The following MCC variants were observed in gnomAD, a reference collection of about 807,000 sequenced individuals.
MCC encodes MCC regulator of Wnt signaling pathway, also known as colorectal mutant cancer protein.
A neutral mutation model predicts 116.2 loss-of-function variants in MCC; 90 were observed. The observed-to-expected ratio is 0.77, with a 90% CI of 0.65 to 0.92. The LOEUF is 0.92. Among genes scored for constraint, MCC ranks in the 40% least tolerant of loss-of-function variants. The probability of loss-of-function intolerance (pLI) is 0.00; values close to 1 mark genes in which losing one functional copy is unlikely to be tolerated. For missense variants in MCC, 1,516 were observed against 1,312.2 expected (o/e 1.16, Z -2.40); for synonymous variants, 578 against 510.5 (o/e 1.13, Z -1.78).
rs775009151 is a variant in MCC, at chr5:113,456,964, G to T, written c.170+31281C>A. Among the ~76,000 whole-genome samples, 40 of 152,172 alleles carry T rather than the reference G, an allele frequency of 2.6e-4. 1 individual carries two copies. Among genetic ancestry groups the T allele is most frequent in the Non-Finnish European group, 4.9e-4 (33 of 68,024 alleles). On this transcript the variant is annotated intron_variant, in intron 1 of 18. Coordinates refer to ENST00000408903, the MANE Select transcript of MCC (RefSeq NM_001085377.2). ...AGCAGGGAGGGGATGAAATCATAATGAGAGGTGACAGCGTGCTGGCAGTCC... is the reference window on the plus strand; with the variant it reads ...AGCAGGGAGGGGATGAAATCATAATTAGAGGTGACAGCGTGCTGGCAGTCC...
chr5:113,033,894 G>A (rs1399763068), intron 17 of MCC, among the ~76,000 whole-genome samples: 1 of 152,034 alleles, frequency 6.6e-6, no homozygotes, highest in Non-Finnish European at 1.5e-5. Context: ...AGCCAGGGTG[G>A]GACTTTTAAG....
intron 1 of MCC, among the ~76,000 whole-genome samples, chr5:113,453,142 G>A (rs1001742212): frequency 3.3e-5 from 5 of 152,020 alleles, no homozygotes; most frequent in African/African-American, 4.8e-5. Flanking sequence ...GTTTTCCAGC[G>A]TGAACGCATG....
At chr5:113,226,618 T>C (rs1430027202) in intron 3 of MCC, among the ~76,000 whole-genome samples, 1 of 152,254 alleles carries the variant, frequency 6.6e-6, no homozygotes, top group African/African-American at 2.4e-5. Flanking sequence ...GAAGAAAACA[T>C]GTTACAATTT....
intron 3 of MCC, among the ~76,000 whole-genome samples, chr5:113,162,483 A>C (rs1561416406): frequency 6.6e-6 from 1 of 151,962 alleles, no homozygotes; most frequent in Non-Finnish European, 1.5e-5. Context: ...GTTAGCCACA[A>C]GGGTCGTTGC....
Position 113,340,732 on chromosome 5 carries a change from T to G in MCC, c.416-2A>C, listed in dbSNP as rs767849135. 4.3e-6 allele frequency: 7 copies of G among 1,612,338 alleles called. No individual in the cohort carries two copies. The African/African-American group carries it at 9.3e-5, about 22-fold the overall frequency. ...TCTCCCTGGCTGCTGATAAGGCACC[T>G]AAGTCCGAGAGAAGCAGAGAAAATG... is the stretch of plus-strand genomic sequence containing the variant. On this transcript the variant is annotated splice_acceptor_variant, in intron 2 of 18. Coordinates refer to ENST00000408903, the MANE Select transcript of MCC (RefSeq NM_001085377.2). LOFTEE classifies it high-confidence loss of function.
chr5:113,268,234 TA>T (rs947678187), intron 3 of MCC, among the ~76,000 whole-genome samples: 7 of 152,336 alleles, frequency 4.6e-5, no homozygotes, highest in African/African-American at 1.7e-4. Context: ...ACTTCCCTGC[TA>T]AAACATTAGT....
intron 11 of MCC, among the ~76,000 whole-genome samples, chr5:113,073,623 T>C (rs1754198243): frequency 6.6e-6 from 1 of 151,720 alleles, no homozygotes; most frequent in Non-Finnish European, 1.5e-5. Context: ...GGTTGTTAAG[T>C]GGCCATAAGA....
At chr5:113,470,987 C>T (rs1772072679) in intron 1 of MCC, among the ~76,000 whole-genome samples, 3 of 152,344 alleles carry the variant, frequency 2.0e-5, no homozygotes, top group African/African-American at 7.2e-5. Context: ...ACTAAGGCTT[C>T]TGCCTTCGTC....
At chr5:113,409,832 G>A (rs997841004) in intron 1 of MCC, among the ~76,000 whole-genome samples, 2 of 152,090 alleles carry the variant, frequency 1.3e-5, no homozygotes, top group South Asian at 4.2e-4. Context: ...TCCTAGACTC[G>A]AGACTACGGT....
intron 5 of MCC, among the ~76,000 whole-genome samples, chr5:113,136,274 A>T (rs1299716499): frequency 3.3e-5 from 5 of 152,208 alleles, no homozygotes; most frequent in African/African-American, 1.2e-4. Context: ...TTAATGAAGT[A>T]ATCAACAATC....
At chr5:113,250,508 T>A (rs977859659) in intron 3 of MCC, among the ~76,000 whole-genome samples, 2 of 152,098 alleles carry the variant, frequency 1.3e-5, no homozygotes, top group African/African-American at 2.4e-5. Context: ...CCTCCCAACA[T>A]CTGTTCCTTC....
chr5:113,457,629 G>A (rs182978057), intron 1 of MCC, among the ~76,000 whole-genome samples: 2 of 152,204 alleles, frequency 1.3e-5, no homozygotes, highest in African/African-American at 4.8e-5. Context: ...GGGCCTTGGA[G>A]AACCTTTATG....
chr5:113,156,089 A>G (rs1760154273), intron 3 of MCC, among the ~76,000 whole-genome samples: 2 of 152,204 alleles, frequency 1.3e-5, no homozygotes, highest in Admixed American at 1.3e-4. Context: ...GGGAGCAGAA[A>G]GGTGCCTCAG....
At position 113,025,718 on chromosome 5, in the gene MCC, T is replaced by C. The variant is rs1030556565; in HGVS notation, c.*1584A>G. On this transcript the variant is annotated 3_prime_UTR_variant, in exon 19 of 19. Coordinates refer to ENST00000408903, the MANE Select transcript of MCC (RefSeq NM_001085377.2). ...TTCTAGACTGATACCAGTTGATCTG[T>C]TGTTTCGTTTTGGAGATGGGCAGCC... is the stretch of plus-strand genomic sequence containing the variant. 6.6e-6 allele frequency: 1 copy of C among 152,134 alleles called. No homozygotes were observed. Among genetic ancestry groups the C allele is most frequent in the Non-Finnish European group, 1.5e-5 (1 of 68,042 alleles). The allele number at this position is 152,134 out of a possible 1,614,324, so 9.4% of individuals were successfully genotyped here.
At chr5:113,420,981 TATAAAAGTTTACAATTAGTGGAA>T (rs1770317959) in intron 1 of MCC, among the ~76,000 whole-genome samples, 1 of 152,194 alleles carries the variant, frequency 6.6e-6, no homozygotes, top group Admixed American at 6.5e-5. Flanking sequence ...ATTTGAACTT[TATAAAAGTTTACAATTAGTGGAA>T]ATTCCGCAAA....
chr5:113,085,343 G>T (rs556185315), intron 8 of MCC, 33 bp from the exon 9 acceptor site: 26 of 1,573,992 alleles, frequency 1.7e-5, no homozygotes, highest in Non-Finnish European at 2.2e-5. Flanking sequence ...CATAGTTGGT[G>T]GTTTCCCTGG....
chr5:113,418,565 G>C (rs914521162), intron 1 of MCC, among the ~76,000 whole-genome samples: 3 of 152,064 alleles, frequency 2.0e-5, no homozygotes, highest in African/African-American at 4.8e-5. Flanking sequence ...AAGTGAAAAA[G>C]GGATTAAAAA....
At chr5:113,112,488 G>T (rs964979204) in intron 6 of MCC, among the ~76,000 whole-genome samples, 6 of 152,136 alleles carry the variant, frequency 3.9e-5, no homozygotes, top group Non-Finnish European at 8.8e-5. Flanking sequence ...TGCCGTAATT[G>T]TAAGTTTCCT....
intron 3 of MCC, among the ~76,000 whole-genome samples, chr5:113,274,642 T>C (rs1432908368): frequency 6.6e-6 from 1 of 152,170 alleles, no homozygotes; most frequent in Non-Finnish European, 1.5e-5. Flanking sequence ...ATTACAGGTG[T>C]GAGCCACCAC....
Sources: gnomAD v4.1 joint callset for allele counts (sites outside exome capture counted in the v4.1 genomes callset) on GRCh38, gnomAD v4.1.1 for gene constraint, MANE v1.5 for transcripts, NCBI Gene and HGNC (gene_info 2026-07-23, HGNC 2026-07-21) for gene names.